FHL5: variants seen among roughly 807,000 people sequenced by gnomAD.
FHL5 encodes four and a half LIM domains protein 5.
In FHL5, 33 loss-of-function variants were observed where a neutral mutation model predicts 32.0. The ratio of observed to expected loss-of-function variants is 1.03; its 90% CI spans 0.78 to 1.38. The LOEUF is 1.38. FHL5 is among the 40% of genes most tolerant of loss of function. The pLI is 0.00. For missense variants in FHL5, 336 were observed against 343.9 expected (o/e 0.98, Z 0.18); for synonymous variants, 114 against 113.6 (o/e 1.00, Z -0.02).
rs1008833838 is a variant in FHL5, at chr6:96,618,330, A to G, written c.*2558A>G. 4.6e-5 allele frequency among the ~76,000 whole-genome samples: 7 copies of G among 152,268 alleles called. No individual in the cohort carries two copies. The highest frequency in any genetic ancestry group is 1.4e-4 in the African/African-American group (6 of 41,478). On this transcript the variant is annotated 3_prime_UTR_variant, in exon 6 of 6. Coordinates refer to ENST00000450218, the MANE Select transcript of FHL5 (RefSeq NM_001322466.2). ...AGTTAAAAGCAAATCCCATGTGCCA[A>G]TAACAACCAGATGGCTTGGAAGTAG...
At chr6:96,607,718 C>G (rs1771314257) in intron 4 of FHL5, among the ~76,000 whole-genome samples, 1 of 151,904 alleles carries the variant, frequency 6.6e-6, no homozygotes, top group Non-Finnish European at 1.5e-5. Context: ...CATGGTGGCT[C>G]ACGTCTGTAA....
intron 1 of FHL5, among the ~76,000 whole-genome samples, chr6:96,590,371 T>C (rs528548016): frequency 1.3e-5 from 2 of 152,160 alleles, no homozygotes; most frequent in South Asian, 4.1e-4. Flanking sequence ...TCTTATTAGG[T>C]TTCTCAGGGA....
intron 1 of FHL5, among the ~76,000 whole-genome samples, chr6:96,592,870 A>C (rs745828654): frequency 1.5e-4 from 23 of 152,060 alleles, no homozygotes; most frequent in Non-Finnish European, 3.1e-4. Context: ...GATGTGTCCA[A>C]GTGTGTTTTT....
In FHL5 at chr6:96,615,517, C is replaced by G. The variant is rs1771498623; in HGVS notation, c.692-92C>G. ...TGCCTCTGCGTTGTTTTGCTCATAG[C>G]TCTATCTCCAGTTCCTAGAGGAGCA... On this transcript the variant is annotated intron_variant, in intron 5 of 5. Transcript: ENST00000450218. The G allele has an allele frequency of 2.9e-6, 3 of 1,043,232 alleles. No homozygotes were observed. In the Admixed American group the frequency reaches 8.1e-5, roughly 28 times the overall value. The allele number at this position is 1,043,232 out of a possible 1,614,324, so 64.6% of individuals were successfully genotyped here. A position where few individuals can be genotyped will look rare whatever the true frequency, so the allele number is the denominator to read the frequency against.
chr6:96,585,313 T>C (rs1770775174), intron 1 of FHL5, among the ~76,000 whole-genome samples: 1 of 152,132 alleles, frequency 6.6e-6, no homozygotes, highest in Non-Finnish European at 1.5e-5. Context: ...AGAAAAAATC[T>C]ACTTTACAGA....
chr6:96,597,336 G>A (rs572068736), intron 1 of FHL5, among the ~76,000 whole-genome samples: 1 of 150,478 alleles, frequency 6.6e-6, no homozygotes, highest in Non-Finnish European at 1.5e-5. Flanking sequence ...AAGGGGAATA[G>A]CTCATTGATT....
chr6:96,587,176 C>G (rs993518390), intron 1 of FHL5, among the ~76,000 whole-genome samples: 2 of 152,146 alleles, frequency 1.3e-5, no homozygotes, highest in South Asian at 2.1e-4. Context: ...AAAGCTTTAG[C>G]TGAAAAACGC....
chr6:96,590,575 T>G (rs1161362002), intron 1 of FHL5, among the ~76,000 whole-genome samples: 1 of 152,088 alleles, frequency 6.6e-6, no homozygotes, highest in Non-Finnish European at 1.5e-5. Context: ...TTGTTTCCTT[T>G]TAACTCTTGT....
intron 1 of FHL5, among the ~76,000 whole-genome samples, chr6:96,589,264 T>C (rs1770866094): frequency 1.3e-5 from 2 of 152,156 alleles, no homozygotes; most frequent in Non-Finnish European, 2.9e-5. Flanking sequence ...TTACAACAAA[T>C]TCTTCCACTA....
At chr6:96,614,923 C>T (rs574936685) in intron 5 of FHL5, among the ~76,000 whole-genome samples, 14 of 152,286 alleles carry the variant, frequency 9.2e-5, no homozygotes, top group African/African-American at 3.1e-4. Context: ...CACGTGATAA[C>T]GTGGCTTCAT....
At chr6:96,595,325 C>A (rs1383666394) in intron 1 of FHL5, among the ~76,000 whole-genome samples, 3 of 151,650 alleles carry the variant, frequency 2.0e-5, no homozygotes, top group Admixed American at 2.0e-4. Flanking sequence ...TAGAAGTTAT[C>A]TGCATATCTA....
intron 1 of FHL5, among the ~76,000 whole-genome samples, chr6:96,572,058 T>C (rs2127959418): frequency 6.6e-6 from 1 of 152,226 alleles, no homozygotes; most frequent in East Asian, 1.9e-4. Context: ...GGAATCGAAG[T>C]CTAAAATTGT....
Position 96,613,349 on chromosome 6 carries a change from A to T in FHL5, c.692-2260A>T, listed in dbSNP as rs540565691. On this transcript the variant is annotated intron_variant, in intron 5 of 5. Transcript: ENST00000450218. Reference sequence around the variant, plus strand: ...ACTGCTTCATTTGAACAAACTCCAGATATAGCTACCATATTTTCTCCTCCT... The same window carrying T: ...ACTGCTTCATTTGAACAAACTCCAGTTATAGCTACCATATTTTCTCCTCCT... Among the ~76,000 whole-genome samples the T allele has an allele frequency of 1.7e-4, 26 of 152,332 alleles. No individual in the cohort carries two copies. In the South Asian group the frequency reaches 5.2e-3, roughly 30 times the overall value.
At chr6:96,607,368 C>A (rs1320445773) in intron 4 of FHL5, among the ~76,000 whole-genome samples, 1 of 149,916 alleles carries the variant, frequency 6.7e-6, no homozygotes. Flanking sequence ...AGTCACACTA[C>A]CACTTTCTAT....
At chr6:96,601,101 C>T (rs1582475038) in intron 1 of FHL5, among the ~76,000 whole-genome samples, 1 of 151,946 alleles carries the variant, frequency 6.6e-6, no homozygotes, top group Admixed American at 6.6e-5. Context: ...TTCGGGAGGC[C>T]GAGGTGAGCG....
intron 1 of FHL5, among the ~76,000 whole-genome samples, chr6:96,578,928 A>G (rs1382647115): frequency 1.3e-5 from 2 of 152,170 alleles, no homozygotes; most frequent in African/African-American, 4.8e-5. Context: ...GCGAAATTTC[A>G]TTTTGTAGAT....
intron 1 of FHL5, 74 bp from the exon 2 acceptor site, chr6:96,603,528 A>T: frequency 3.7e-6 from 4 of 1,082,716 alleles, no homozygotes; most frequent in Non-Finnish European, 5.5e-6. Context: ...CACTCACATT[A>T]TATTAAGGTT....
intron 1 of FHL5, among the ~76,000 whole-genome samples, chr6:96,602,468 A>T (rs1339983864): frequency 1.8e-5 from 1 of 55,094 alleles, no homozygotes; most frequent in African/African-American, 7.0e-5. Context: ...TTTTTTTGAG[A>T]CGGAGTCTGG....
At chr6:96,607,707 G>C (rs1158201058) in intron 4 of FHL5, among the ~76,000 whole-genome samples, 4 of 152,104 alleles carry the variant, frequency 2.6e-5, no homozygotes, top group Non-Finnish European at 5.9e-5. Flanking sequence ...CTGGAGCTGG[G>C]CATGGTGGCT....
Sources: allele counts gnomAD v4.1 joint callset (sites outside exome capture counted in the v4.1 genomes callset), GRCh38; gene constraint gnomAD v4.1.1; transcripts MANE v1.5; gene names NCBI Gene and HGNC (gene_info 2026-07-23, HGNC 2026-07-21).